The following BTNL2 variants were observed in gnomAD, a reference collection of about 807,000 sequenced individuals.
BTNL2 encodes butyrophilin-like protein 2.
Under a neutral mutation model 46.8 loss-of-function variants are expected in BTNL2, and 46 were observed. The observed-to-expected ratio is 0.98, with a 90% confidence interval of 0.78 to 1.26. BTNL2 has a LOEUF of 1.26. BTNL2 is among the 50% of genes most tolerant of loss of function. The pLI, the probability that BTNL2 is intolerant of heterozygous loss-of-function variation, is 0.00. For synonymous variants in BTNL2, 226 were observed against 229.1 expected, an observed-to-expected ratio of 0.99 and a Z score of 0.12; for missense variants, 461 against 592.6, an observed-to-expected ratio of 0.78 and a Z score of 2.31.
chr6:32,404,381 C>T (rs1017182739), intron 2 of BTNL2, among the ~76,000 whole-genome samples: 2 of 151,600 alleles, frequency 1.3e-5, no homozygotes, highest in African/African-American at 2.4e-5. Flanking sequence ...AGAACCTTCC[C>T]ATTCACAGAG....
At position 32,403,175 on chromosome 6, in the gene BTNL2, C is replaced by A; in HGVS notation, c.469G>T (p.Glu157Ter). Residue 157 changes from glutamate (E) to a stop codon, truncating the protein, a stop_gained, in exon 3 of 8, where the codon GAG (glutamate) becomes TAG (stop). Coordinates refer to ENST00000454136, the MANE Select transcript of BTNL2 (RefSeq NM_001304561.2). LOFTEE classifies it high-confidence loss of function. ...APSIHMEGPG[E>*]SGVQLVCTAR... The stretch of plus-strand genomic sequence containing the variant: ...GTGCACACAAGCTGGACTCCACTCT[C>A]CCCAGGTCCCTCCATGTGGATGCTA... 1 of 1,610,752 alleles carries A rather than the reference C, an allele frequency of 6.2e-7. No homozygotes were observed. Among genetic ancestry groups the A allele is most frequent in the East Asian group, 2.2e-5 (1 of 44,696 alleles).
chr6:32,397,101 C>T (rs1161827179), intron 4 of BTNL2, among the ~76,000 whole-genome samples: 1 of 145,748 alleles, frequency 6.9e-6, no homozygotes, highest in Non-Finnish European at 1.5e-5. Flanking sequence ...CTACTGAAAG[C>T]CTAACTTAGG....
At chr6:32,402,639 C>T (rs375894280) in intron 3 of BTNL2, among the ~76,000 whole-genome samples, 14 of 152,250 alleles carry the variant, frequency 9.2e-5, no homozygotes, top group African/African-American at 3.1e-4. Flanking sequence ...CATAGGAAAA[C>T]ATTTCAGTTG....
At chr6:32,406,630 G>C (rs575104418) in intron 1 of BTNL2, 2 of 152,484 alleles carry the variant, frequency 1.3e-5, no homozygotes, top group South Asian at 2.1e-4. Flanking sequence ...TTATTTCCAA[G>C]TATTTTTTTT....
Position 32,394,887 on chromosome 6 carries a change from GAA to G in BTNL2, c.1215_1216del (p.Ser406ProfsTer?), listed in dbSNP as rs746057061. The G allele has an allele frequency of 1.9e-6, 3 of 1,614,246 alleles. No individual in the cohort carries two copies. Among genetic ancestry groups the G allele is most frequent in the Non-Finnish European group, 2.5e-6 (3 of 1,180,042 alleles). On this transcript the variant is annotated frameshift_variant, in exon 6 of 8. Transcript: ENST00000454136. LOFTEE classifies it high-confidence loss of function. This position sits in a 1 kb window ranked among gnomAD's most constrained non-coding sequence, Gnocchi z 4.6. ...GTGGCTGCCTTGAGTCAGGGCCTGG[GAA>G]GATGATGGTATCGTCTTTCCTTCCA...
rs982932706 is a variant in BTNL2 at position 32,394,328 on chromosome 6, G to A, written c.1361-271C>T. 6.6e-6 allele frequency among the ~76,000 whole-genome samples: 1 copy of A among 152,176 alleles called. No homozygotes were observed. The highest frequency in any genetic ancestry group is 1.9e-4 in the East Asian group (1 of 5,206). The stretch of plus-strand genomic sequence containing the variant: ...ACAATCACTGGAATGACTTGAGGAG[G>A]AAAGGATAAAATTACTCAAGCCGCA... On this transcript the variant is annotated intron_variant, in intron 6 of 7. Coordinates refer to ENST00000454136, the MANE Select transcript of BTNL2 (RefSeq NM_001304561.2). This position sits in a 1 kb window ranked among gnomAD's most constrained non-coding sequence, Gnocchi z 4.6.
At position 32,405,818 on chromosome 6, in the gene BTNL2, G is replaced by GT. The variant is rs1033552860; in HGVS notation, c.80-533dup. 7.4e-3 allele frequency among the ~76,000 whole-genome samples: 945 copies of GT among 128,040 alleles called. 6 individuals are homozygous for GT. Among genetic ancestry groups the GT allele is most frequent in the Middle Eastern group, 0.022 (6 of 268 alleles). The allele number at this position is 128,040 out of a possible 152,430, so 84.0% of individuals were successfully genotyped here. On this transcript the variant is annotated intron_variant, in intron 1 of 7. Transcript: ENST00000454136. Reference sequence around the variant, plus strand: ...TAGATATAAAAACTGTTTTTTTTTTGTTTTTTTTTTGTTTGTTTTTTTCCC... The same window carrying GT: ...TAGATATAAAAACTGTTTTTTTTTTGTTTTTTTTTTTGTTTGTTTTTTTCCC...
At position 32,394,858 on chromosome 6, in the gene BTNL2, G is replaced by T. The variant is rs1776344978; in HGVS notation, c.1246C>A (p.Leu416Met). ...SQALTQGSHG[L>M]FHVQTLLRVT... Reference sequence around the variant, plus strand: ...CTTAGCAATGTCTGCACGTGGAACAGCCCGTGGCTGCCTTGAGTCAGGGCC... The same window carrying T: ...CTTAGCAATGTCTGCACGTGGAACATCCCGTGGCTGCCTTGAGTCAGGGCC... The change falls in exon 6 of 8, where the codon CTG becomes ATG. Residue 416 changes from leucine (L) to methionine (M), a missense_variant. Transcript: ENST00000454136. The surrounding 1 kb of genome is among the most constrained non-coding windows in gnomAD (Gnocchi z 4.6). The T allele has an allele frequency of 6.2e-7, 1 of 1,614,126 alleles. No individual in the cohort carries two copies. Among genetic ancestry groups the T allele is most frequent in the Non-Finnish European group, 8.5e-7 (1 of 1,180,042 alleles).
In BTNL2 at chr6:32,405,038, T is replaced by A; in HGVS notation, c.328A>T (p.Lys110Ter). ...NGIAKGNVAL[K>*]IHNIQPSDNG... ...TCGGAGGGCTGGATGTTGTGTATCT[T>A]CAGTGCCACATTTCCCTTTGCAATG... Residue 110 changes from lysine (K) to a stop codon, truncating the protein, a stop_gained, in exon 2 of 8, where the codon AAG becomes TAG. Coordinates refer to ENST00000454136, the MANE Select transcript of BTNL2 (RefSeq NM_001304561.2). LOFTEE classifies it high-confidence loss of function. 6.2e-7 allele frequency: 1 copy of A among 1,613,080 alleles called. No homozygotes were observed. The highest frequency in any genetic ancestry group is 8.5e-7 in the Non-Finnish European group (1 of 1,180,030).
chr6:32,404,855 G>A, intron 2 of BTNL2, 84 bp downstream of exon 2: 2 of 1,308,360 alleles, frequency 1.5e-6, no homozygotes, highest in Non-Finnish European at 2.2e-6. Context: ...TGATTCAAAA[G>A]GATTTCCTCA....
At position 32,400,745 on chromosome 6, in the gene BTNL2, T is replaced by TAAAAATACAAAAAAAAAAAAA. The variant is rs9281774; in HGVS notation, c.730+1039_730+1040insTTTTTTTTTTTTTGTATTTTT. Among the ~76,000 whole-genome samples, 8 of 82,148 alleles carry TAAAAATACAAAAAAAAAAAAA rather than the reference T, an allele frequency of 9.7e-5. 1 individual carries two copies. Among genetic ancestry groups the TAAAAATACAAAAAAAAAAAAA allele is most frequent in the Non-Finnish European group, 1.3e-4 (5 of 38,792 alleles). 53.9% of individuals were successfully genotyped at this position (82,148 alleles called of 152,430 possible). On this transcript the variant is annotated intron_variant, in intron 4 of 7. Coordinates refer to ENST00000454136, the MANE Select transcript of BTNL2 (RefSeq NM_001304561.2). ...CAACATGGTGAAACCCCGTCTCTAC[T>TAAAAATACAAAAAAAAAAAAA]AAAAAAAAAAAAAAAAAATTAGCTG...
rs771037517 is a variant in BTNL2 at position 32,394,595 on chromosome 6, T to C, written c.1360+149A>G. On this transcript the variant is annotated intron_variant, in intron 6 of 7. Transcript: ENST00000454136. This position sits in a 1 kb window ranked among gnomAD's most constrained non-coding sequence, Gnocchi z 4.6. ...AGAGGAGTAGAATCCCTGGGTGTCCTGAAAACCAGCTTTGCAGAGGATAGC... is the reference window on the plus strand; with the variant it reads ...AGAGGAGTAGAATCCCTGGGTGTCCCGAAAACCAGCTTTGCAGAGGATAGC... 3.2e-6 allele frequency: 3 copies of C among 927,766 alleles called. No individual in the cohort carries two copies. The highest frequency in any genetic ancestry group is 2.7e-5 in the East Asian group (1 of 37,652). 57.5% of individuals were successfully genotyped at this position (927,766 alleles called of 1,614,324 possible).
At position 32,396,973 on chromosome 6, in the gene BTNL2, T is replaced by TTGTC. The variant is rs372119855; in HGVS notation, c.731-588_731-587insGACA. On this transcript the variant is annotated intron_variant, in intron 4 of 7. Transcript: ENST00000454136. The surrounding 1 kb of genome is among the most constrained non-coding windows in gnomAD (Gnocchi z 4.4). Reference sequence around the variant, plus strand: ...CCAGGCTGGGTGACAAAGCGAGACTTTAAAAACAAACAAACAAAAAACACC... The same window carrying TTGTC: ...CCAGGCTGGGTGACAAAGCGAGACTTTGTCTAAAAACAAACAAACAAAAAACACC... 0.012 allele frequency among the ~76,000 whole-genome samples: 1,803 copies of TTGTC among 152,050 alleles called. 63 individuals are homozygous for TTGTC. Among genetic ancestry groups the TTGTC allele is most frequent in the East Asian group, 0.1 (536 of 5,118 alleles).
At chr6:32,401,189 C>T (rs1583264326) in intron 4 of BTNL2, among the ~76,000 whole-genome samples, 1 of 101,622 alleles carries the variant, frequency 9.8e-6, no homozygotes, top group South Asian at 3.2e-4. Flanking sequence ...GCCTGGGCGA[C>T]AGAGCAAGAC....
intron 4 of BTNL2, among the ~76,000 whole-genome samples, chr6:32,398,014 A>G (rs117099966): frequency 0.012 from 1,861 of 152,374 alleles, 67 homozygotes; most frequent in East Asian, 0.11. Context: ...AAGTCGGCAA[A>G]GTACAAATTG....
At position 32,402,993 on chromosome 6, in the gene BTNL2, G is replaced by A. The variant is rs767416791; in HGVS notation, c.651C>T (p.Ser217=). The change falls in exon 3 of 8, where the codon TCC becomes TCT. Residue 217 remains serine (S), a synonymous_variant. Transcript: ENST00000454136. The part of the protein sequence containing the change: ...VVRNASAESV[S]CLVHNPVLTE... Reference sequence around the variant, plus strand: ...TGAGGACGGGGTTGTGGACCAAGCAGGACACAGACTCTGCAGAGGCGTTCC... The same window carrying A: ...TGAGGACGGGGTTGTGGACCAAGCAAGACACAGACTCTGCAGAGGCGTTCC... 8 of 1,613,054 alleles carry A rather than the reference G, an allele frequency of 5.0e-6. No individual in the cohort carries two copies. Among genetic ancestry groups the A allele is most frequent in the Non-Finnish European group, 5.9e-6 (7 of 1,180,006 alleles).
chr6:32,396,138 G>T lies in BTNL2; in HGVS notation c.979C>A (p.Gln327Lys). 1 of 1,613,068 alleles carries T rather than the reference G, an allele frequency of 6.2e-7. No homozygotes were observed. Among genetic ancestry groups the T allele is most frequent in the African/African-American group, 1.3e-5 (1 of 75,036 alleles). Residue 327 changes from glutamine to lysine, a missense_variant, in exon 5 of 8, where the codon CAG (glutamine) becomes AAG (lysine). By Grantham distance (53) the Gln-to-Lys change is moderately conservative. Coordinates refer to ENST00000454136, the MANE Select transcript of BTNL2 (RefSeq NM_001304561.2). The surrounding 1 kb of genome is among the most constrained non-coding windows in gnomAD (Gnocchi z 4.4). ...TCCGAAGGTCTGGCACTGAGTATCT[G>T]CAGGGTCAGTCTGCCCTCGTCAATG... The part of the protein sequence containing the change: ...DAIDEGRLTL[Q>K]ILSARPSDDG...
rs1776616280 is a variant in BTNL2 at position 32,399,227 on chromosome 6, T to G, written c.730+2558A>C. On this transcript the variant is annotated intron_variant, in intron 4 of 7. Coordinates refer to ENST00000454136, the MANE Select transcript of BTNL2 (RefSeq NM_001304561.2). This position sits in a 1 kb window ranked among gnomAD's most constrained non-coding sequence, Gnocchi z 5.2. ...TTTTGTACACAGCCTTCCAGACAAT[T>G]TTGTGCTGAAATGTATTGCTTTGTT... Among the ~76,000 whole-genome samples, 1 of 152,218 alleles carries G rather than the reference T, an allele frequency of 6.6e-6. No individual in the cohort carries two copies. Among genetic ancestry groups the G allele is most frequent in the South Asian group, 2.1e-4 (1 of 4,834 alleles).
At chr6:32,404,051 T>C (rs551113533) in intron 2 of BTNL2, among the ~76,000 whole-genome samples, 1 of 152,208 alleles carries the variant, frequency 6.6e-6, no homozygotes, top group African/African-American at 2.4e-5. Context: ...GTCAGAAATA[T>C]ATGTATTCCT....
Sources: gnomAD v4.1 joint callset for allele counts (sites outside exome capture counted in the v4.1 genomes callset) on GRCh38, gnomAD v4.1.1 for gene constraint, Gnocchi (gnomAD v3.1) non-coding constraint, MANE v1.5 for transcripts, NCBI Gene and HGNC (gene_info 2026-07-23, HGNC 2026-07-21) for gene names.